ATP10B: variants seen among roughly 807,000 people sequenced by gnomAD.
ATP10B encodes the protein ATPase phospholipid transporting 10B (putative).
ATP10B carries 122 observed loss-of-function variants against 141.2 expected under a neutral mutation model. The observed-to-expected ratio is 0.86, with a 90% CI of 0.75 to 1.00. The LOEUF (loss-of-function observed/expected upper bound fraction) is 1.00, where lower values mean the gene tolerates loss of function less well. Among genes scored for constraint, ATP10B ranks in the 50% least tolerant of loss-of-function variants. The pLI, the probability that ATP10B is intolerant of heterozygous loss-of-function variation, is 0.00. For synonymous variants in ATP10B, 685 were observed against 692.0 expected (o/e 0.99, Z 0.16); for missense variants, 1,876 against 1,825.3 (o/e 1.03, Z -0.51).
chr5:160,909,208 C>T, the ATP10B span, among the ~76,000 whole-genome samples: 2 of 152,166 alleles, frequency 1.3e-5, no homozygotes, highest in African/African-American at 4.8e-5. Flanking sequence ...GAAGGATGCT[C>T]TTTTCAGCAC....
the ATP10B span, among the ~76,000 whole-genome samples, chr5:160,885,696 C>T: frequency 6.6e-6 from 1 of 152,218 alleles, no homozygotes; most frequent in Non-Finnish European, 1.5e-5. Context: ...GAAAGCTCTT[C>T]TAGGGACAAG....
chr5:160,670,749 A>G, intron 6 of ATP10B, 82 bp from the exon 7 acceptor site: 3 of 1,252,826 alleles, frequency 2.4e-6, no homozygotes, highest in Non-Finnish European at 2.3e-6. Flanking sequence ...AGGTCCCACC[A>G]GCACCTAACT....
At chr5:160,917,269 C>CTTTTTTT in the ATP10B span, among the ~76,000 whole-genome samples, 3 of 127,688 alleles carry the variant, frequency 2.3e-5, 1 homozygote, top group African/African-American at 9.1e-5. Context: ...TAGGGTACTT[C>CTTTTTTT]TTTTTTTTTT....
intron 23 of ATP10B, among the ~76,000 whole-genome samples, chr5:160,589,991 A>ATACT (rs1756175895): frequency 6.6e-6 from 1 of 152,210 alleles, no homozygotes; most frequent in African/African-American, 2.4e-5. Flanking sequence ...ACAGCTGAGG[A>ATACT]TACTTCTGTG....
chr5:160,797,414 G>C (rs1481752378), intron 1 of ATP10B, among the ~76,000 whole-genome samples: 1 of 152,010 alleles, frequency 6.6e-6, no homozygotes, highest in Non-Finnish European at 1.5e-5. Flanking sequence ...ATTGTTTATT[G>C]TGAGTTGCTT....
chr5:160,732,171 G>A (rs1399570389), intron 2 of ATP10B, among the ~76,000 whole-genome samples: 2 of 152,144 alleles, frequency 1.3e-5, no homozygotes, highest in African/African-American at 4.8e-5. Flanking sequence ...ATATCAGCGA[G>A]ATGGGGAAAA....
At chr5:160,871,600 A>G in the ATP10B span, among the ~76,000 whole-genome samples, 2 of 152,180 alleles carry the variant, frequency 1.3e-5, no homozygotes, top group East Asian at 1.9e-4. Context: ...GCTCCCACAT[A>G]TCAGTGAGAA....
At chr5:160,665,035 C>T (rs1361837719) in intron 7 of ATP10B, among the ~76,000 whole-genome samples, 1 of 152,202 alleles carries the variant, frequency 6.6e-6, no homozygotes, top group South Asian at 2.1e-4. Context: ...TTTAGCAAAT[C>T]CTAATTCCTT....
At chr5:160,810,123 T>C (rs1319828299) in intron 1 of ATP10B, among the ~76,000 whole-genome samples, 6 of 152,132 alleles carry the variant, frequency 3.9e-5, no homozygotes, top group Non-Finnish European at 8.8e-5. Flanking sequence ...TTTTAGAAAA[T>C]GAATTATTTA....
rs537263463 is a variant in ATP10B at position 160,754,602 on chromosome 5, G to A, written c.-331+30957C>T. On this transcript the variant is annotated intron_variant, in intron 2 of 25. Coordinates refer to ENST00000327245, the MANE Select transcript of ATP10B (RefSeq NM_025153.3). ...TGGTGTAACTCAATCCATACTTAAT[G>A]ATGAAGATTACCCAAGACAAGGCCA... Among the ~76,000 whole-genome samples, 15 of 152,284 alleles carry A rather than the reference G, an allele frequency of 9.9e-5. No homozygotes were observed. In the East Asian group the frequency reaches 2.9e-3, roughly 29 times the overall value.
intron 2 of ATP10B, among the ~76,000 whole-genome samples, chr5:160,727,313 A>G (rs933480276): frequency 3.9e-5 from 6 of 152,272 alleles, no homozygotes; most frequent in Admixed American, 1.3e-4. Flanking sequence ...GCTTACAGGC[A>G]TAAGTGAATG....
chr5:160,789,397 CCTA>C (rs1056198718), intron 1 of ATP10B, among the ~76,000 whole-genome samples: 2 of 152,092 alleles, frequency 1.3e-5, no homozygotes, highest in African/African-American at 4.8e-5. Flanking sequence ...TATGGTCTAA[CCTA>C]CTGTGACTAG....
chr5:160,612,680 T>C (rs2302962), intron 18 of ATP10B, 61 bp downstream of exon 18: 59,297 of 1,437,130 alleles, frequency 0.041, 2,164 homozygotes, highest in East Asian at 0.22. Context: ...TGTGTCCTCT[T>C]GGTTGAGGGG....
chr5:160,816,660 G>A (rs1308027255), intron 1 of ATP10B, among the ~76,000 whole-genome samples: 1 of 152,156 alleles, frequency 6.6e-6, no homozygotes, highest in African/African-American at 2.4e-5. Context: ...TATGAGGCCA[G>A]CATCATCCTG....
chr5:160,596,711 C>G (rs1756718425), intron 22 of ATP10B, among the ~76,000 whole-genome samples: 1 of 151,972 alleles, frequency 6.6e-6, no homozygotes, highest in Non-Finnish European at 1.5e-5. Context: ...GATACAAAAT[C>G]AATGTGCGAA....
At position 160,813,733 on chromosome 5, in the gene ATP10B, C is replaced by A. The variant is rs181600429; in HGVS notation, c.-575-27930G>T. ...AGTAGCCTAACTTGGAAGCACCCCC[C>A]AGTAGGGGCAGACTGACACCTCACA... On this transcript the variant is annotated intron_variant, in intron 1 of 25. Transcript: ENST00000327245. Among the ~76,000 whole-genome samples, 785 of 152,304 alleles carry A rather than the reference C, an allele frequency of 5.2e-3. 6 individuals are homozygous for A. The highest frequency in any genetic ancestry group is 0.018 in the African/African-American group (743 of 41,542).
At chr5:160,673,117 A>C (rs892639925) in intron 6 of ATP10B, among the ~76,000 whole-genome samples, 2 of 152,184 alleles carry the variant, frequency 1.3e-5, no homozygotes, top group Non-Finnish European at 2.9e-5. Context: ...ATGTCATCCA[A>C]ATGACTATTG....
intron 2 of ATP10B, among the ~76,000 whole-genome samples, chr5:160,783,597 A>T (rs1770918051): frequency 9.7e-6 from 1 of 103,144 alleles, no homozygotes; most frequent in African/African-American, 3.3e-5. Flanking sequence ...ACACACACAC[A>T]TACACACACA....
At chr5:160,591,173 C>G (rs780119798) in intron 22 of ATP10B, 34 bp from the exon 23 acceptor site, 2 of 1,577,682 alleles carry the variant, frequency 1.3e-6, no homozygotes, top group African/African-American at 2.7e-5. Context: ...AATTATCACC[C>G]TTATAGCAAG....
Sources: allele counts gnomAD v4.1 joint callset (sites outside exome capture counted in the v4.1 genomes callset), GRCh38; gene constraint gnomAD v4.1.1; transcripts MANE v1.5; gene names NCBI Gene and HGNC (gene_info 2026-07-23, HGNC 2026-07-21).